The following CFAP418 variants were observed in gnomAD, a reference collection of about 807,000 sequenced individuals.
CFAP418 encodes the protein cilia- and flagella-associated protein 418.
In CFAP418, 27 loss-of-function variants were observed where a neutral mutation model predicts 24.7. That is an observed-to-expected ratio of 1.09 (90% CI 0.81 to 1.51). The LOEUF (loss-of-function observed/expected upper bound fraction) is 1.51, where lower values mean the gene tolerates loss of function less well. Ranked by LOEUF, CFAP418 falls within the 40% of genes most tolerant of loss-of-function variation. The pLI is 0.00. For synonymous variants in CFAP418, 74 were observed against 87.3 expected, an observed-to-expected ratio of 0.85 and a Z score of 0.85; for missense variants, 257 against 255.2, an observed-to-expected ratio of 1.01 and a Z score of -0.05.
Position 95,267,079 on chromosome 8 carries a change from C to T in CFAP418, c.155+1956G>A, listed in dbSNP as rs868028820. The stretch of plus-strand genomic sequence containing the variant: ...TGTTGTGGGATAGGGATGGTAGATG[C>T]GCTAATAGATACATAAGGAATTCCA... On this transcript the variant is annotated intron_variant, in intron 1 of 5. Coordinates refer to ENST00000286688, the MANE Select transcript of CFAP418 (RefSeq NM_177965.4). Among the ~76,000 whole-genome samples, 19 of 152,124 alleles carry T rather than the reference C, an allele frequency of 1.2e-4. No homozygotes were observed. In the Middle Eastern group the frequency reaches 0.01, roughly 82 times the overall value.
chr8:95,265,604 T>G (rs1811966021), intron 1 of CFAP418, among the ~76,000 whole-genome samples: 1 of 152,214 alleles, frequency 6.6e-6, no homozygotes, highest in South Asian at 2.1e-4. Context: ...CTCCTTTGGC[T>G]TTCAGGACAT....
intron 1 of CFAP418, 49 bp from the exon 2 acceptor site, chr8:95,263,823 G>C (rs142541651): frequency 9.5e-7 from 1 of 1,054,134 alleles, no homozygotes. Context: ...TTTATGAGCA[G>C]AGAAAGCTAG....
At chr8:95,256,648 A>G (rs1293116860) in intron 4 of CFAP418, among the ~76,000 whole-genome samples, 3 of 152,202 alleles carry the variant, frequency 2.0e-5, no homozygotes, top group Non-Finnish European at 4.4e-5. Context: ...CTTACTGGCC[A>G]GTGTTTTGCC....
At chr8:95,261,851 C>A (rs1187909545) in intron 2 of CFAP418, among the ~76,000 whole-genome samples, 1 of 152,124 alleles carries the variant, frequency 6.6e-6, no homozygotes, top group East Asian at 1.9e-4. Context: ...CAGATATGCA[C>A]CCTATTGGTA....
chr8:95,265,320 C>T (rs917471968), intron 1 of CFAP418, among the ~76,000 whole-genome samples: 7 of 152,170 alleles, frequency 4.6e-5, no homozygotes, highest in Admixed American at 2.0e-4. Flanking sequence ...ATTATTTAAT[C>T]TCTCTGAAAC....
At chr8:95,264,149 T>C (rs1347489493) in intron 1 of CFAP418, among the ~76,000 whole-genome samples, 1 of 152,150 alleles carries the variant, frequency 6.6e-6, no homozygotes, top group Non-Finnish European at 1.5e-5. Context: ...TAACGAGTCT[T>C]CCTGACTTTT....
intron 2 of CFAP418, among the ~76,000 whole-genome samples, chr8:95,261,791 T>C (rs189155643): frequency 6.6e-6 from 1 of 152,360 alleles, no homozygotes; most frequent in East Asian, 1.9e-4. Context: ...ACCAGAGAAG[T>C]ACTTATCTTC....
intron 1 of CFAP418, 178 bp downstream of exon 1, chr8:95,268,857 G>A (rs1171433303): frequency 9.0e-6 from 6 of 663,338 alleles, no homozygotes; most frequent in African/African-American, 1.8e-5. Flanking sequence ...GCCAGAATCC[G>A]CGAAGAGGGT....
rs144919910 is a variant in CFAP418, at chr8:95,249,186, C to A, written c.471-1416G>T. On this transcript the variant is annotated intron_variant, in intron 5 of 5. Transcript: ENST00000286688. ...CCTTAGCGATTTTAGGATTAGGAAT[C>A]ATGAATAGGCAGGGATCTAATTATG... Among the ~76,000 whole-genome samples, 511 of 152,284 alleles carry A rather than the reference C, an allele frequency of 3.4e-3. 7 individuals are homozygous for A. The highest frequency in any genetic ancestry group is 0.012 in the African/African-American group (487 of 41,550).
rs1008523903 is a variant in CFAP418 at position 95,268,122 on chromosome 8, A to T, written c.155+913T>A. 3.3e-5 allele frequency among the ~76,000 whole-genome samples: 5 copies of T among 152,280 alleles called. No individual in the cohort carries two copies. In the East Asian group the frequency reaches 9.6e-4, roughly 29 times the overall value. Reference sequence around the variant, plus strand: ...TAATTAACCCTTTTGTAATGAATTTAATCTCATCTTAACTCCCTGAGTTAA... The same window carrying T: ...TAATTAACCCTTTTGTAATGAATTTTATCTCATCTTAACTCCCTGAGTTAA... On this transcript the variant is annotated intron_variant, in intron 1 of 5. Coordinates refer to ENST00000286688, the MANE Select transcript of CFAP418 (RefSeq NM_177965.4).
At chr8:95,255,813 T>C (rs754279046) in intron 4 of CFAP418, among the ~76,000 whole-genome samples, 7 of 152,212 alleles carry the variant, frequency 4.6e-5, no homozygotes, top group African/African-American at 9.6e-5. Flanking sequence ...AATATGCATA[T>C]ATAAAAAGTG....
At chr8:95,262,306 T>C (rs1340001157) in intron 2 of CFAP418, among the ~76,000 whole-genome samples, 1 of 152,232 alleles carries the variant, frequency 6.6e-6, no homozygotes, top group African/African-American at 2.4e-5. Context: ...CTTATTAATT[T>C]ACTTCAGGTG....
intron 4 of CFAP418, among the ~76,000 whole-genome samples, chr8:95,257,289 C>T (rs1008321587): frequency 6.6e-6 from 1 of 152,166 alleles, no homozygotes; most frequent in African/African-American, 2.4e-5. Context: ...TTTTTTTGTA[C>T]AGAGAGTCCT....
intron 5 of CFAP418, among the ~76,000 whole-genome samples, chr8:95,248,642 T>C (rs1187035898): frequency 2.6e-5 from 4 of 152,210 alleles, no homozygotes; most frequent in African/African-American, 9.6e-5. Flanking sequence ...TTCATACTAT[T>C]ATAAAAAAGA....
chr8:95,255,736 T>C (rs898852657), intron 4 of CFAP418, among the ~76,000 whole-genome samples: 1 of 152,242 alleles, frequency 6.6e-6, no homozygotes, highest in African/African-American at 2.4e-5. Flanking sequence ...AATCTCTTCA[T>C]TTATAAAATG....
At position 95,246,827 on chromosome 8, in the gene CFAP418, C is replaced by T. The variant is rs564509845; in HGVS notation, c.*790G>A. The T allele has an allele frequency of 1.3e-4, 20 of 152,280 alleles. No individual in the cohort carries two copies. The highest frequency in any genetic ancestry group is 2.4e-4 in the Non-Finnish European group (16 of 68,014). 9.4% of individuals were successfully genotyped at this position (152,280 alleles called of 1,614,324 possible). A position where few individuals can be genotyped will look rare whatever the true frequency, so the allele number is the denominator to read the frequency against. ...ATTATATTACTTGCTGTTTACTTCCCTTGATGGAGTTTTAGGCATTAAAGG... is the reference window on the plus strand; with the variant it reads ...ATTATATTACTTGCTGTTTACTTCCTTTGATGGAGTTTTAGGCATTAAAGG... On this transcript the variant is annotated 3_prime_UTR_variant, in exon 6 of 6. Coordinates refer to ENST00000286688, the MANE Select transcript of CFAP418 (RefSeq NM_177965.4).
At chr8:95,264,435 C>T (rs1033414595) in intron 1 of CFAP418, among the ~76,000 whole-genome samples, 14 of 152,068 alleles carry the variant, frequency 9.2e-5, no homozygotes, top group Admixed American at 3.9e-4. Context: ...CAGGCATTGT[C>T]CTTAGTCTTT....
chr8:95,248,915 CTG>C (rs55693549), intron 5 of CFAP418, among the ~76,000 whole-genome samples: 9,613 of 152,230 alleles, frequency 0.063, 392 homozygotes, highest in Non-Finnish European at 0.088. Flanking sequence ...CAGTATTAAA[CTG>C]TACGAAATTC....
intron 4 of CFAP418, among the ~76,000 whole-genome samples, chr8:95,255,317 T>G (rs973332837): frequency 6.6e-6 from 1 of 151,986 alleles, no homozygotes; most frequent in Non-Finnish European, 1.5e-5. Flanking sequence ...AGATACTCTC[T>G]GTTCCTTCCA....
Sources: allele counts gnomAD v4.1 joint callset (sites outside exome capture counted in the v4.1 genomes callset), GRCh38; gene constraint gnomAD v4.1.1; transcripts MANE v1.5; gene names NCBI Gene and HGNC (gene_info 2026-07-23, HGNC 2026-07-21).